Variants in LRP1B observed in about 807,000 individuals in gnomAD.
LRP1B encodes the protein low-density lipoprotein receptor-related protein 1B.
Under a neutral mutation model 556.6 loss-of-function variants are expected in LRP1B, and 217 were observed. The ratio of observed to expected loss-of-function variants is 0.39; its 90% confidence interval spans 0.35 to 0.44. The LOEUF is 0.44. LRP1B is among the 20% of genes least tolerant of loss of function. LRP1B has a pLI of 1.00. For missense variants in LRP1B, 5,053 were observed against 5,620.8 expected, an observed-to-expected ratio of 0.90 and a Z score of 3.23; for synonymous variants, 2,047 against 1,865.8, an observed-to-expected ratio of 1.10 and a Z score of -2.50.
At chr2:141,844,149 G>GA (rs751982900) in intron 1 of LRP1B, among the ~76,000 whole-genome samples, 2 of 152,064 alleles carry the variant, frequency 1.3e-5, no homozygotes, top group Non-Finnish European at 2.9e-5. Context: ...TATGGATAAG[G>GA]AGAGTCAGAA....
intron 2 of LRP1B, among the ~76,000 whole-genome samples, chr2:141,487,828 T>A (rs1683176979): frequency 2.0e-5 from 3 of 152,170 alleles, no homozygotes. Context: ...AAAAGCATGT[T>A]AAGGTTTAGA....
rs752371628 is a variant in LRP1B at position 141,621,534 on chromosome 2, G to A, written c.206-141001C>T. ...TACGATATATTCCCTTAAACTACAC[G>A]TAAGATTAAACTAATCATGGAACTG... On this transcript the variant is annotated intron_variant, in intron 2 of 90. Transcript: ENST00000389484. Among the ~76,000 whole-genome samples the A allele has an allele frequency of 6.8e-4, 103 of 152,206 alleles. No individual in the cohort carries two copies. In the Middle Eastern group the frequency reaches 0.014, roughly 20 times the overall value.
Position 141,318,761 on chromosome 2 carries a change from C to T in LRP1B, c.344-64120G>A, listed in dbSNP as rs190363332. ...TTCTAAATTAACCATGAAGTCTCAC[C>T]ATCTTTATCTGCTGAGATTAGGTAA... On this transcript the variant is annotated intron_variant, in intron 3 of 90. Transcript: ENST00000389484. Among the ~76,000 whole-genome samples the T allele has an allele frequency of 2.2e-3, 328 of 152,162 alleles. 1 individual carries two copies. The Middle Eastern group carries it at 0.024, about 11-fold the overall frequency.
At chr2:141,723,145 C>T (rs958284449) in intron 2 of LRP1B, among the ~76,000 whole-genome samples, 11 of 151,944 alleles carry the variant, frequency 7.2e-5, no homozygotes, top group Non-Finnish European at 1.2e-4. Flanking sequence ...GACCTTGGCC[C>T]TCAGTGCTCT....
chr2:140,882,363 G>T (rs528007346), intron 25 of LRP1B, among the ~76,000 whole-genome samples: 2 of 152,192 alleles, frequency 1.3e-5, no homozygotes, highest in East Asian at 1.9e-4. Context: ...ATGATCAATT[G>T]TTATTACAGG....
At chr2:140,644,395 TTTTTTC>T (rs1351580283) in intron 41 of LRP1B, among the ~76,000 whole-genome samples, 4 of 146,014 alleles carry the variant, frequency 2.7e-5, no homozygotes, top group Admixed American at 7.0e-5. Flanking sequence ...TCTTTCTTTC[TTTTTTC>T]TTTTTTTTTT....
At chr2:141,751,382 G>GT (rs968516115) in intron 2 of LRP1B, among the ~76,000 whole-genome samples, 12 of 152,178 alleles carry the variant, frequency 7.9e-5, no homozygotes, top group African/African-American at 2.4e-4. Context: ...CTTTACTGTA[G>GT]TTTTTTTAAA....
Position 140,918,100 on chromosome 2 carries a change from A to C in LRP1B, c.3319+4865T>G, listed in dbSNP as rs1258927408. Among the ~76,000 whole-genome samples the C allele has an allele frequency of 2.6e-5, 4 of 151,708 alleles. No homozygotes were observed. The South Asian group carries it at 6.2e-4, about 24-fold the overall frequency. On this transcript the variant is annotated intron_variant, in intron 21 of 90. Coordinates refer to ENST00000389484, the MANE Select transcript of LRP1B (RefSeq NM_018557.3). ...TTCTAAATATTTAAATATATGTATG[A>C]TTTCTTAGTTAATCCAGATTATTTT...
At chr2:140,867,364 T>TAATTCCTA (rs1692981764) in intron 27 of LRP1B, among the ~76,000 whole-genome samples, 1 of 151,882 alleles carries the variant, frequency 6.6e-6, no homozygotes, top group African/African-American at 2.4e-5. Flanking sequence ...AGGGGCATCT[T>TAATTCCTA]AGGAATTAAG....
At chr2:142,016,884 T>G (rs1313866828) in intron 1 of LRP1B, among the ~76,000 whole-genome samples, 3 of 149,690 alleles carry the variant, frequency 2.0e-5, no homozygotes, top group African/African-American at 7.3e-5. Flanking sequence ...ATATATGTGT[T>G]TATATGTATA....
chr2:142,036,919 C>A (rs1189494428), intron 1 of LRP1B, among the ~76,000 whole-genome samples: 2 of 151,650 alleles, frequency 1.3e-5, no homozygotes, highest in Admixed American at 1.3e-4. Flanking sequence ...TACAAATGGG[C>A]ACTATACAAC....
chr2:140,703,909 C>T lies in LRP1B; in HGVS notation c.6024-1356G>A, dbSNP rs77634842. ...TTTTCTTTTTGCAGTCTACTATTGA[C>T]GGGCACCTAGGTTTATGTTACGTTT... On this transcript the variant is annotated intron_variant, in intron 37 of 90. Coordinates refer to ENST00000389484, the MANE Select transcript of LRP1B (RefSeq NM_018557.3). 7.0e-3 allele frequency among the ~76,000 whole-genome samples: 1,065 copies of T among 152,214 alleles called. 8 individuals are homozygous for T. Among genetic ancestry groups the T allele is most frequent in the African/African-American group, 0.023 (959 of 41,540 alleles).
chr2:140,900,344 TA>T (rs1694070068), intron 23 of LRP1B, among the ~76,000 whole-genome samples: 1 of 152,240 alleles, frequency 6.6e-6, no homozygotes, highest in Admixed American at 6.5e-5. Flanking sequence ...CTGAGGTCAA[TA>T]TTTGATCTAT....
chr2:140,872,205 G>A (rs1042667631), intron 25 of LRP1B, among the ~76,000 whole-genome samples: 1 of 151,124 alleles, frequency 6.6e-6, no homozygotes, highest in Admixed American at 6.6e-5. Context: ...ACCTAAAATA[G>A]TTTATAATAG....
chr2:141,246,116 A>T (rs181184551), intron 5 of LRP1B, among the ~76,000 whole-genome samples: 1 of 152,220 alleles, frequency 6.6e-6, no homozygotes, highest in Non-Finnish European at 1.5e-5. Context: ...GGGAAATTAT[A>T]TAGTGATAGA....
chr2:141,606,296 G>GT (rs1687915640), intron 2 of LRP1B, among the ~76,000 whole-genome samples: 1 of 152,156 alleles, frequency 6.6e-6, no homozygotes, highest in Non-Finnish European at 1.5e-5. Flanking sequence ...GAAGTAACAG[G>GT]TAAAAATGTA....
intron 11 of LRP1B, 122 bp downstream of exon 11, chr2:141,048,864 A>C (rs1427810835): frequency 1.4e-6 from 1 of 740,320 alleles, no homozygotes; most frequent in African/African-American, 1.8e-5. Context: ...ATTAAAAAAT[A>C]TTTTTGAACC....
intron 84 of LRP1B, among the ~76,000 whole-genome samples, chr2:140,279,982 C>A (rs2104963300): frequency 6.6e-6 from 1 of 151,894 alleles, no homozygotes; most frequent in South Asian, 2.1e-4. Flanking sequence ...CTAAGAGGAT[C>A]AATTATTTGT....
At chr2:141,408,855 AT>A (rs530816893) in intron 3 of LRP1B, among the ~76,000 whole-genome samples, 1 of 152,056 alleles carries the variant, frequency 6.6e-6, no homozygotes, top group South Asian at 2.1e-4. Context: ...ACTTATCACA[AT>A]TTTATATATT....
Sources: gnomAD v4.1 joint callset for allele counts (sites outside exome capture counted in the v4.1 genomes callset) on GRCh38, gnomAD v4.1.1 for gene constraint, MANE v1.5 for transcripts, NCBI Gene and HGNC (gene_info 2026-07-23, HGNC 2026-07-21) for gene names.